Variants in PCP4 observed in about 807,000 individuals in gnomAD.
PCP4 encodes calmodulin regulator protein PCP4.
In PCP4, 8 loss-of-function variants were observed where a neutral mutation model predicts 10.0. The observed-to-expected ratio is 0.80, with a 90% CI of 0.47 to 1.45. PCP4 has a LOEUF of 1.45. Ranked by LOEUF, PCP4 falls within the 40% of genes most tolerant of loss-of-function variation. The probability of loss-of-function intolerance (pLI) is 0.00; values close to 1 mark genes in which losing one functional copy is unlikely to be tolerated. For synonymous variants in PCP4, 21 were observed against 23.0 expected (o/e 0.91, Z 0.24); for missense variants, 54 against 74.4 (o/e 0.73, Z 1.01).
At chr21:39,892,188 G>C (rs913599685) in intron 1 of PCP4, among the ~76,000 whole-genome samples, 2 of 152,216 alleles carry the variant, frequency 1.3e-5, no homozygotes, top group African/African-American at 4.8e-5. Flanking sequence ...TTGCCTTCTA[G>C]GTCACTTCTC....
intron 1 of PCP4, among the ~76,000 whole-genome samples, chr21:39,874,390 C>T (rs552281540): frequency 7.9e-5 from 12 of 152,256 alleles, no homozygotes; most frequent in East Asian, 1.9e-4. Context: ...CTTGAGATCA[C>T]GCTATTCCTG....
chr21:39,875,430 C>T (rs935481131), intron 1 of PCP4, among the ~76,000 whole-genome samples: 3 of 152,042 alleles, frequency 2.0e-5, no homozygotes, highest in South Asian at 2.1e-4. Flanking sequence ...CCAAGACGGG[C>T]GATGGTGTGG....
chr21:39,896,316 T>C (rs900281604), intron 1 of PCP4, among the ~76,000 whole-genome samples: 4 of 152,216 alleles, frequency 2.6e-5, no homozygotes, highest in Non-Finnish European at 4.4e-5. Context: ...ATTTGAGCCA[T>C]CTATGAATTA....
At chr21:39,880,106 C>CTA (rs1281060957) in intron 1 of PCP4, among the ~76,000 whole-genome samples, 1,847 of 142,090 alleles carry the variant, frequency 0.013, 37 homozygotes, top group African/African-American at 0.047. Context: ...ATATCTATAT[C>CTA]TATCTATATC....
chr21:39,895,476 G>C (rs1468839519), intron 1 of PCP4, among the ~76,000 whole-genome samples: 2 of 152,160 alleles, frequency 1.3e-5, no homozygotes, highest in African/African-American at 4.8e-5. Context: ...CGCTGATAGA[G>C]GCCCTCAGGA....
intron 1 of PCP4, among the ~76,000 whole-genome samples, chr21:39,884,377 C>A (rs1273905142): frequency 6.6e-6 from 1 of 151,740 alleles, no homozygotes; most frequent in African/African-American, 2.4e-5. Flanking sequence ...CGGGGTTTCA[C>A]CATGTTGGTC....
chr21:39,877,820 G>A (rs1462496407), intron 1 of PCP4, among the ~76,000 whole-genome samples: 1 of 152,164 alleles, frequency 6.6e-6, no homozygotes, highest in Non-Finnish European at 1.5e-5. Flanking sequence ...TCACCTTTAT[G>A]CCTTGCTTAC....
In PCP4 at chr21:39,906,463, A is replaced by G. The variant is rs951719391; in HGVS notation, c.61+7936A>G. 2.0e-5 allele frequency among the ~76,000 whole-genome samples: 3 copies of G among 152,176 alleles called. No individual in the cohort carries two copies. Among genetic ancestry groups the G allele is most frequent in the African/African-American group, 7.2e-5 (3 of 41,442 alleles). On this transcript the variant is annotated intron_variant, in intron 2 of 2. Transcript: ENST00000328619. This position sits in a 1 kb window ranked among gnomAD's most constrained non-coding sequence, Gnocchi z 6.3. ...AGCCATGATAGTTTTCAAAATTAAA[A>G]CATCAAAGCAACATGTTCATTTATA... is the stretch of plus-strand genomic sequence containing the variant.
intron 1 of PCP4, among the ~76,000 whole-genome samples, chr21:39,868,040 C>T (rs1375605639): frequency 6.6e-6 from 1 of 152,140 alleles, no homozygotes; most frequent in Non-Finnish European, 1.5e-5. Flanking sequence ...GGGAAACATC[C>T]GTGTGTATAG....
At chr21:39,917,307 C>T (rs2087573740) in intron 2 of PCP4, among the ~76,000 whole-genome samples, 1 of 152,234 alleles carries the variant, frequency 6.6e-6, no homozygotes, top group African/African-American at 2.4e-5. Context: ...TGCCTCAGGG[C>T]TTACCAGAAG....
intron 1 of PCP4, among the ~76,000 whole-genome samples, chr21:39,876,936 T>G (rs1337781450): frequency 6.6e-6 from 1 of 152,030 alleles, no homozygotes; most frequent in Non-Finnish European, 1.5e-5. Flanking sequence ...AGGCTGTCGT[T>G]TTTATAGTTC....
chr21:39,904,998 C>T (rs2087499560), intron 2 of PCP4, among the ~76,000 whole-genome samples: 1 of 152,138 alleles, frequency 6.6e-6, no homozygotes, highest in Admixed American at 6.5e-5. Flanking sequence ...AAAGCACCTA[C>T]CTAAAGTCAT....
chr21:39,887,209 A>G (rs2146331231), intron 1 of PCP4, among the ~76,000 whole-genome samples: 1 of 152,356 alleles, frequency 6.6e-6, no homozygotes, highest in Admixed American at 6.5e-5. Flanking sequence ...AATGACAGGA[A>G]TAGAACGTAG....
intron 2 of PCP4, among the ~76,000 whole-genome samples, chr21:39,899,028 G>T (rs908872565): frequency 6.6e-6 from 1 of 152,162 alleles, no homozygotes; most frequent in Non-Finnish European, 1.5e-5. Context: ...TGATAGCAGT[G>T]ACAGGAACAT....
intron 1 of PCP4, among the ~76,000 whole-genome samples, chr21:39,880,482 C>A (rs770167114): frequency 6.6e-6 from 1 of 151,782 alleles, no homozygotes; most frequent in African/African-American, 2.4e-5. Flanking sequence ...TGTGTGCATG[C>A]GTGTGAGTGT....
intron 1 of PCP4, among the ~76,000 whole-genome samples, chr21:39,887,046 C>A (rs16998828): frequency 5.2e-4 from 79 of 151,876 alleles, no homozygotes; most frequent in African/African-American, 1.9e-3. Flanking sequence ...GTAGAAAATG[C>A]GAATTTTAAA....
At chr21:39,878,002 C>CGA (rs3831648) in intron 1 of PCP4, among the ~76,000 whole-genome samples, 29,765 of 143,928 alleles carry the variant, frequency 0.21, 3,109 homozygotes, top group South Asian at 0.41. Flanking sequence ...TAGATTGTGA[C>CGA]GAGAGAGAGA....
chr21:39,886,941 G>A (rs2087403159), intron 1 of PCP4, among the ~76,000 whole-genome samples: 1 of 152,124 alleles, frequency 6.6e-6, no homozygotes, highest in Admixed American at 6.5e-5. Flanking sequence ...GCTCATTTAT[G>A]TTCCAAAAAT....
chr21:39,926,861 T>C (rs1438969852), intron 2 of PCP4, among the ~76,000 whole-genome samples: 1 of 152,228 alleles, frequency 6.6e-6, no homozygotes, highest in Non-Finnish European at 1.5e-5. Flanking sequence ...ACAATGTGAA[T>C]AGCTACCTGG....
Sources: gnomAD v4.1 joint callset for allele counts (sites outside exome capture counted in the v4.1 genomes callset) on GRCh38, gnomAD v4.1.1 for gene constraint, Gnocchi (gnomAD v3.1) non-coding constraint, MANE v1.5 for transcripts, NCBI Gene and HGNC (gene_info 2026-07-23, HGNC 2026-07-21) for gene names.